Variants in SGCD observed in about 807,000 individuals in gnomAD.
The protein encoded by SGCD is sarcoglycan delta, also known as delta-sarcoglycan.
A neutral mutation model predicts 36.6 loss-of-function variants in SGCD; 18 were observed. The observed-to-expected ratio is 0.49, with a 90% CI of 0.34 to 0.73. The LOEUF (loss-of-function observed/expected upper bound fraction) is 0.73, where lower values mean the gene tolerates loss of function less well. Among genes scored for constraint, SGCD ranks in the 30% least tolerant of loss-of-function variants. The pLI, the probability that SGCD is intolerant of heterozygous loss-of-function variation, is 0.01. For missense variants in SGCD, 387 were observed against 346.7 expected (o/e 1.12, Z -0.92); for synonymous variants, 133 against 130.6 (o/e 1.02, Z -0.12).
chr5:156,468,075 G>A (rs1754791464), intron 3 of SGCD, among the ~76,000 whole-genome samples: 1 of 152,186 alleles, frequency 6.6e-6, no homozygotes, highest in Non-Finnish European at 1.5e-5. Context: ...TTGGCCAGGT[G>A]TTGTGGCTCA....
intron 3 of SGCD, among the ~76,000 whole-genome samples, chr5:156,172,700 T>A (rs1435152569): frequency 1.3e-5 from 2 of 152,230 alleles, no homozygotes; most frequent in Non-Finnish European, 2.9e-5. Context: ...CATCCACATT[T>A]CTTTTTTTCT....
intron 3 of SGCD, among the ~76,000 whole-genome samples, chr5:156,184,592 G>C (rs1028716341): frequency 2.6e-4 from 39 of 152,030 alleles, no homozygotes; most frequent in Admixed American, 2.5e-3. Flanking sequence ...AACACCTAAA[G>C]TAAGGAGTGT....
intron 1 of SGCD, among the ~76,000 whole-genome samples, chr5:156,116,432 A>T (rs1761907580): frequency 6.6e-6 from 1 of 152,012 alleles, no homozygotes; most frequent in Non-Finnish European, 1.5e-5. Context: ...TTTTCTAGAC[A>T]CTTACTAGAG....
intron 3 of SGCD, among the ~76,000 whole-genome samples, chr5:156,391,793 T>C (rs948145720): frequency 1.3e-5 from 2 of 152,242 alleles, no homozygotes; most frequent in African/African-American, 4.8e-5. Context: ...CTATCATATT[T>C]TGAAATTTTG....
At chr5:155,962,564 A>C (rs981612586) in intron 1 of SGCD, among the ~76,000 whole-genome samples, 2 of 152,116 alleles carry the variant, frequency 1.3e-5, no homozygotes, top group Non-Finnish European at 2.9e-5. Context: ...GCAGGAAATA[A>C]AATTGCAGCA....
the SGCD span, among the ~76,000 whole-genome samples, chr5:155,864,732 A>G: frequency 0.011 from 1,491 of 136,832 alleles, 29 homozygotes; most frequent in African/African-American, 0.035. Context: ...ATCTCACTGG[A>G]TAAACTACAA....
chr5:155,835,022 T>TTTTTTTTTTTTTTTTTC, the SGCD span, among the ~76,000 whole-genome samples: 1 of 141,124 alleles, frequency 7.1e-6, no homozygotes, highest in African/African-American at 2.6e-5. Context: ...TTTTTTTTTT[T>TTTTTTTTTTTTTTTTTC]TTTGAGACAG....
At chr5:156,677,881 A>T (rs911191928) in intron 7 of SGCD, among the ~76,000 whole-genome samples, 1 of 152,186 alleles carries the variant, frequency 6.6e-6, no homozygotes, top group African/African-American at 2.4e-5. Context: ...CTTCCTGATT[A>T]ACTAGAAATA....
chr5:155,970,757 A>G (rs774287474), intron 1 of SGCD, among the ~76,000 whole-genome samples: 6 of 152,196 alleles, frequency 3.9e-5, no homozygotes, highest in Non-Finnish European at 8.8e-5. Context: ...CATCACTGCA[A>G]GGTAGGCAGT....
intron 3 of SGCD, among the ~76,000 whole-genome samples, chr5:156,356,687 T>A (rs2127726864): frequency 6.6e-6 from 1 of 152,308 alleles, no homozygotes; most frequent in East Asian, 1.9e-4. Flanking sequence ...CTACATTATA[T>A]GCTCCTAATC....
intron 1 of SGCD, among the ~76,000 whole-genome samples, chr5:155,984,397 C>A (rs754962557): frequency 4.3e-4 from 65 of 152,268 alleles, no homozygotes; most frequent in Admixed American, 9.8e-4. Context: ...GTTTCGTAAG[C>A]CTTGGATTAA....
At chr5:156,460,932 A>G (rs1754458623) in intron 3 of SGCD, among the ~76,000 whole-genome samples, 1 of 152,202 alleles carries the variant, frequency 6.6e-6, no homozygotes, top group Non-Finnish European at 1.5e-5. Context: ...ACATTTCCCA[A>G]AATGATTTGG....
At chr5:156,019,724 A>G (rs1759057847) in intron 1 of SGCD, among the ~76,000 whole-genome samples, 1 of 152,202 alleles carries the variant, frequency 6.6e-6, no homozygotes, top group South Asian at 2.1e-4. Context: ...TCCATCCAGC[A>G]TGACATCATT....
chr5:156,519,943 T>C lies in SGCD; in HGVS notation c.294+11241T>C, dbSNP rs185452803. On this transcript the variant is annotated intron_variant, in intron 4 of 8. Coordinates refer to ENST00000337851, the MANE Select transcript of SGCD (RefSeq NM_000337.6). ...GGGAAAAGCTGGAAGAATTTCCTTT[T>C]GAAAACTGGCAGAGGACAAGGATGC... is the stretch of plus-strand genomic sequence containing the variant. Among the ~76,000 whole-genome samples, 687 of 152,344 alleles carry C rather than the reference T, an allele frequency of 4.5e-3. 4 individuals are homozygous for C. The highest frequency in any genetic ancestry group is 0.014 in the African/African-American group (572 of 41,588).
At position 155,955,062 on chromosome 5, in the gene SGCD, C is replaced by G. The variant is rs925020813; in HGVS notation, c.-282+84638C>G. Among the ~76,000 whole-genome samples the G allele has an allele frequency of 9.2e-5, 14 of 152,236 alleles. No individual in the cohort carries two copies. In the East Asian group the frequency reaches 1.9e-3, roughly 21 times the overall value. ...TCCATCCTACTTGCAGGAGGGTCAG[C>G]CTTTTTGTTCCATTCAGATCTTCAA... On this transcript the variant is annotated intron_variant, in intron 1 of 9. Transcript: ENST00000517913.
At chr5:156,627,208 A>G (rs1023602818) in intron 6 of SGCD, among the ~76,000 whole-genome samples, 1 of 152,154 alleles carries the variant, frequency 6.6e-6, no homozygotes, top group African/African-American at 2.4e-5. Context: ...AGATGTTTCC[A>G]TTTGTCATGA....
At chr5:156,448,725 CTTTTTCTTTTTTTTT>C (rs1334573561) in intron 3 of SGCD, among the ~76,000 whole-genome samples, 1 of 73,012 alleles carries the variant, frequency 1.4e-5, no homozygotes, top group Non-Finnish European at 2.8e-5. Context: ...GTTTCTTTTT[CTTTTTCTTTTTTTTT>C]TTTTTTTTTT....
At chr5:156,229,884 G>A (rs1764970894) in intron 3 of SGCD, among the ~76,000 whole-genome samples, 1 of 152,052 alleles carries the variant, frequency 6.6e-6, no homozygotes, top group African/African-American at 2.4e-5. Context: ...TGTCTTTGTT[G>A]GATTGGGTTA....
At chr5:156,091,970 G>T (rs1761255732) in intron 1 of SGCD, among the ~76,000 whole-genome samples, 1 of 152,214 alleles carries the variant, frequency 6.6e-6, no homozygotes, top group South Asian at 2.1e-4. Flanking sequence ...CAAGCATTTG[G>T]AGAAGCACAT....
Sources: allele counts gnomAD v4.1 joint callset (sites outside exome capture counted in the v4.1 genomes callset), GRCh38; gene constraint gnomAD v4.1.1; transcripts MANE v1.5; gene names NCBI Gene and HGNC (gene_info 2026-07-23, HGNC 2026-07-21).